The following FLT1 variants were observed in gnomAD, a reference collection of about 807,000 sequenced individuals.
The protein encoded by FLT1 is vascular endothelial growth factor receptor 1.
Under a neutral mutation model 156.3 loss-of-function variants are expected in FLT1, and 49 were observed. The observed-to-expected ratio is 0.31, with a 90% CI of 0.25 to 0.40. FLT1 has a LOEUF of 0.40. Among genes scored for constraint, FLT1 ranks in the 10% least tolerant of loss-of-function variants. The pLI, the probability that FLT1 is intolerant of heterozygous loss-of-function variation, is 1.00. For missense variants in FLT1, 1,322 were observed against 1,637.2 expected (o/e 0.81, Z 3.32); for synonymous variants, 594 against 583.8 (o/e 1.02, Z -0.25).
chr13:28,463,845 GA>G (rs1879714868), intron 3 of FLT1, among the ~76,000 whole-genome samples: 1 of 152,150 alleles, frequency 6.6e-6, no homozygotes, highest in African/African-American at 2.4e-5. Context: ...AGACTCCTCG[GA>G]AAAGTTATGA....
At chr13:28,484,765 G>T (rs1555246937) in intron 1 of FLT1, among the ~76,000 whole-genome samples, 31 of 152,090 alleles carry the variant, frequency 2.0e-4, no homozygotes, top group Non-Finnish European at 2.9e-5. Context: ...ATCCCTAAAT[G>T]TCGGGTTTGC....
chr13:28,444,239 CAAGACCA>C (rs1199009063), intron 3 of FLT1, among the ~76,000 whole-genome samples: 1 of 152,098 alleles, frequency 6.6e-6, no homozygotes, highest in Non-Finnish European at 1.5e-5. Context: ...GTCAGGAATT[CAAGACCA>C]GCCTGGTCAA....
intron 18 of FLT1, among the ~76,000 whole-genome samples, chr13:28,333,637 A>G (rs1872008771): frequency 1.3e-5 from 2 of 152,224 alleles, no homozygotes; most frequent in South Asian, 4.1e-4. Context: ...GGTCAAGCCC[A>G]AGCAAAGCCA....
chr13:28,322,947 CT>C lies in FLT1; in HGVS notation c.2797-2del, dbSNP rs1398276629. The C allele has an allele frequency of 6.2e-7, 1 of 1,614,110 alleles. No homozygotes were observed. The highest frequency in any genetic ancestry group is 1.1e-5 in the South Asian group (1 of 91,078). ...TAGGCTCCATGTGTAGTGCTGCATCCTTTGAAGAGACCGAAAAGGACCCAGG... is the reference window on the plus strand; with the variant it reads ...TAGGCTCCATGTGTAGTGCTGCATCCTTGAAGAGACCGAAAAGGACCCAGG... On this transcript the variant is annotated splice_acceptor_variant, in intron 20 of 29. Transcript: ENST00000282397. LOFTEE classifies it high-confidence loss of function. This position sits in a 1 kb window ranked among gnomAD's most constrained non-coding sequence, Gnocchi z 4.3.
At chr13:28,323,012 C>T (rs919357349) in intron 20 of FLT1, 66 bp from the exon 21 acceptor site, 2 of 1,532,998 alleles carry the variant, frequency 1.3e-6, no homozygotes, top group East Asian at 2.2e-5. Flanking sequence ...AAACCAGTCC[C>T]TCAACTGGCA....
chr13:28,324,024 C>G (rs1871581420), intron 20 of FLT1, among the ~76,000 whole-genome samples: 1 of 152,166 alleles, frequency 6.6e-6, no homozygotes, highest in African/African-American at 2.4e-5. Flanking sequence ...AGTCACCTTA[C>G]TTTTCTGAGT....
At chr13:28,378,879 T>G (rs1403547263) in intron 14 of FLT1, among the ~76,000 whole-genome samples, 1 of 152,168 alleles carries the variant, frequency 6.6e-6, no homozygotes, top group Non-Finnish European at 1.5e-5. Flanking sequence ...AAATCTTATA[T>G]TGCTATGTTT....
chr13:28,354,004 C>T (rs1483464370), intron 15 of FLT1, among the ~76,000 whole-genome samples: 1 of 152,196 alleles, frequency 6.6e-6, no homozygotes, highest in African/African-American at 2.4e-5. Context: ...GCCACAGACA[C>T]AACTTGTTCA....
chr13:28,407,945 G>A (rs1043985496), intron 10 of FLT1, among the ~76,000 whole-genome samples: 3 of 151,904 alleles, frequency 2.0e-5, no homozygotes, highest in Admixed American at 6.6e-5. Context: ...TTAATCTTGC[G>A]TTAGACTTGC....
At chr13:28,401,045 A>T (rs1875401417) in intron 11 of FLT1, among the ~76,000 whole-genome samples, 1 of 152,080 alleles carries the variant, frequency 6.6e-6, no homozygotes, top group African/African-American at 2.4e-5. Context: ...GGCTAACAAG[A>T]CGAAACCCTG....
intron 14 of FLT1, among the ~76,000 whole-genome samples, chr13:28,370,202 G>C (rs1873494041): frequency 6.6e-6 from 1 of 151,536 alleles, no homozygotes; most frequent in Admixed American, 6.6e-5. Flanking sequence ...AAAAAAAAAA[G>C]CTGTATAATA....
At chr13:28,487,267 G>A (rs1255856696) in intron 1 of FLT1, among the ~76,000 whole-genome samples, 1 of 152,250 alleles carries the variant, frequency 6.6e-6, no homozygotes, top group Non-Finnish European at 1.5e-5. Context: ...GAGAGGCAAA[G>A]GCTTTCATAG....
rs902304338 is a variant in FLT1, at chr13:28,385,506, G to C, written c.1970-475C>G. 15 of 1,009,804 alleles carry C rather than the reference G, an allele frequency of 1.5e-5. No homozygotes were observed. In the Admixed American group the frequency reaches 8.2e-4, roughly 55 times the overall value. 62.6% of individuals were successfully genotyped at this position (1,009,804 alleles called of 1,614,324 possible). On this transcript the variant is annotated intron_variant, in intron 13 of 29. Transcript: ENST00000282397. ...GGGGGCGTGTTTGTGTTACTCAACT[G>C]TCAGTAACCTAAGTTGTAAGGCAGC...
chr13:28,448,043 A>G (rs1032842075), intron 3 of FLT1, among the ~76,000 whole-genome samples: 5 of 152,184 alleles, frequency 3.3e-5, no homozygotes, highest in African/African-American at 7.2e-5. Context: ...GGAAATACCA[A>G]TCAAAACCAC....
intron 17 of FLT1, among the ~76,000 whole-genome samples, chr13:28,334,732 G>A (rs1872053243): frequency 6.6e-6 from 1 of 152,194 alleles, no homozygotes; most frequent in African/African-American, 2.4e-5. Flanking sequence ...TCAACCACTG[G>A]TAGTGATTTG....
intron 14 of FLT1, among the ~76,000 whole-genome samples, chr13:28,381,842 A>T (rs148255144): frequency 6.6e-6 from 1 of 152,318 alleles, no homozygotes; most frequent in Non-Finnish European, 1.5e-5. Flanking sequence ...CCCATGCCAA[A>T]TCGAGGCTTT....
chr13:28,397,841 G>C (rs771935206), intron 11 of FLT1, among the ~76,000 whole-genome samples: 1 of 149,112 alleles, frequency 6.7e-6, no homozygotes, highest in Non-Finnish European at 1.5e-5. Flanking sequence ...TCCTAATCTA[G>C]AAGATGAAAA....
At position 28,444,230 on chromosome 13, in the gene FLT1, T is replaced by G. The variant is rs1878486177; in HGVS notation, c.389-5885A>C. On this transcript the variant is annotated intron_variant, in intron 3 of 29. Transcript: ENST00000282397. Reference sequence around the variant, plus strand: ...GCCAAGGCAGGTGGATCACTTGAGGTCAGGAATTCAAGACCAGCCTGGTCA... The same window carrying G: ...GCCAAGGCAGGTGGATCACTTGAGGGCAGGAATTCAAGACCAGCCTGGTCA... Among the ~76,000 whole-genome samples, 3 of 152,056 alleles carry G rather than the reference T, an allele frequency of 2.0e-5. No individual in the cohort carries two copies. In the South Asian group the frequency reaches 6.2e-4, roughly 32 times the overall value.
intron 3 of FLT1, among the ~76,000 whole-genome samples, chr13:28,445,063 A>C (rs1226396837): frequency 6.6e-6 from 1 of 152,194 alleles, no homozygotes; most frequent in Non-Finnish European, 1.5e-5. Context: ...CAACAGAATA[A>C]ATTAGTTTCA....
Sources: allele counts gnomAD v4.1 joint callset (sites outside exome capture counted in the v4.1 genomes callset), GRCh38; gene constraint gnomAD v4.1.1; non-coding constraint Gnocchi (gnomAD v3.1); transcripts MANE v1.5; gene names NCBI Gene and HGNC (gene_info 2026-07-23, HGNC 2026-07-21).